The following ANKS1A variants were observed in gnomAD, a reference collection of about 807,000 sequenced individuals.
The protein encoded by ANKS1A is ankyrin repeat and sterile alpha motif domain containing 1A.
Under a neutral mutation model 120.3 loss-of-function variants are expected in ANKS1A, and 55 were observed. The observed-to-expected ratio is 0.46, with a 90% CI of 0.37 to 0.57. ANKS1A has a LOEUF of 0.57. Ranked by LOEUF, ANKS1A falls within the 20% of genes least tolerant of loss-of-function variation. ANKS1A has a pLI of 0.00. For synonymous variants in ANKS1A, 590 were observed against 604.7 expected, an observed-to-expected ratio of 0.98 and a Z score of 0.36; for missense variants, 1,123 against 1,480.3, an observed-to-expected ratio of 0.76 and a Z score of 3.96.
At chr6:34,996,750 CG>C (rs1348553618) in intron 10 of ANKS1A, among the ~76,000 whole-genome samples, 7 of 152,136 alleles carry the variant, frequency 4.6e-5, no homozygotes, top group Non-Finnish European at 7.4e-5. Context: ...GGATAACAGG[CG>C]TGAGCCACCA....
Position 34,950,536 on chromosome 6 carries a change from C to T in ANKS1A, c.198-16703C>T, listed in dbSNP as rs756325016. ...GAGCCACCGCGCCCGGCCAGGAAGA[C>T]GTTTTTCAAGACTATTACAATAAGA... On this transcript the variant is annotated intron_variant, in intron 1 of 23. Coordinates refer to ENST00000360359, the MANE Select transcript of ANKS1A (RefSeq NM_015245.3). Among the ~76,000 whole-genome samples, 13 of 151,972 alleles carry T rather than the reference C, an allele frequency of 8.6e-5. No individual in the cohort carries two copies. In the East Asian group the frequency reaches 1.7e-3, roughly 20 times the overall value.
At chr6:34,921,399 C>G (rs751987839) in intron 1 of ANKS1A, among the ~76,000 whole-genome samples, 5 of 152,126 alleles carry the variant, frequency 3.3e-5, no homozygotes, top group Non-Finnish European at 7.3e-5. Context: ...CTGTAGAAAG[C>G]CTTTAGATTA....
At chr6:35,094,950 G>C (rs571710914), downstream of ANKS1A, among the ~76,000 whole-genome samples, 5 of 152,138 alleles carry the variant, frequency 3.3e-5, no homozygotes, top group African/African-American at 1.2e-4. Flanking sequence ...GACCAGCCTG[G>C]GCAACATAGT....
intron 1 of ANKS1A, among the ~76,000 whole-genome samples, chr6:34,911,554 A>G (rs1199471465): frequency 6.6e-6 from 1 of 152,204 alleles, no homozygotes; most frequent in Non-Finnish European, 1.5e-5. Flanking sequence ...ATGTCTCCTC[A>G]TGAGGCTCAA....
rs1775910170 is a variant in ANKS1A, at chr6:35,050,352, C to T, written c.2011-3747C>T. Among the ~76,000 whole-genome samples, 1 of 152,166 alleles carries T rather than the reference C, an allele frequency of 6.6e-6. No homozygotes were observed. Among genetic ancestry groups the T allele is most frequent in the African/African-American group, 2.4e-5 (1 of 41,422 alleles). ...TTTCAGTCAGTTCACGTGAAGTGCA[C>T]TAATAAGGAAGCATGGCCATTTCTC... is the stretch of plus-strand genomic sequence containing the variant. On this transcript the variant is annotated intron_variant, in intron 11 of 23. Transcript: ENST00000360359. The surrounding 1 kb of genome is among the most constrained non-coding windows in gnomAD (Gnocchi z 4.3).
chr6:34,948,683 C>T (rs973878764), intron 1 of ANKS1A, among the ~76,000 whole-genome samples: 11 of 152,100 alleles, frequency 7.2e-5, no homozygotes, highest in African/African-American at 1.9e-4. Context: ...TAACCTCAAG[C>T]GTACCAAAAA....
intron 9 of ANKS1A, among the ~76,000 whole-genome samples, chr6:34,990,492 T>A (rs1197243267): frequency 4.0e-4 from 3 of 7,438 alleles, no homozygotes; most frequent in Non-Finnish European, 2.5e-3. Context: ...ACCCCCCTCC[T>A]TTTTTTTTTT....
intron 10 of ANKS1A, among the ~76,000 whole-genome samples, chr6:34,996,657 G>A (rs745771257): frequency 1.3e-5 from 2 of 152,126 alleles, no homozygotes; most frequent in Non-Finnish European, 2.9e-5. Context: ...ATTTTTAGTA[G>A]AGCTAGGGTT....
At chr6:34,998,477 C>T (rs559935782) in intron 10 of ANKS1A, among the ~76,000 whole-genome samples, 11 of 152,282 alleles carry the variant, frequency 7.2e-5, no homozygotes, top group East Asian at 1.9e-4. Flanking sequence ...GAACCAGACC[C>T]GAAACCAGGC....
intron 13 of ANKS1A, among the ~76,000 whole-genome samples, chr6:35,070,685 C>T (rs1372483307): frequency 2.6e-5 from 4 of 151,826 alleles, no homozygotes; most frequent in South Asian, 2.1e-4. Context: ...GGTTTTTCAC[C>T]GTGTTAGCCT....
rs993750680 is a variant in ANKS1A at position 35,060,491 on chromosome 6, G to A, written c.2184+238G>A. On this transcript the variant is annotated intron_variant, in intron 13 of 23. Coordinates refer to ENST00000360359, the MANE Select transcript of ANKS1A (RefSeq NM_015245.3). The surrounding 1 kb of genome is among the most constrained non-coding windows in gnomAD (Gnocchi z 4.5). The stretch of plus-strand genomic sequence containing the variant: ...CAGAGGGAGCTCTCTTTGCAGATCT[G>A]CTTCCCAAGAAGGAGGGTCCCTGAT... 2.0e-5 allele frequency among the ~76,000 whole-genome samples: 3 copies of A among 152,220 alleles called. No homozygotes were observed. Among genetic ancestry groups the A allele is most frequent in the Non-Finnish European group, 4.4e-5 (3 of 68,038 alleles).
chr6:34,970,553 T>C lies in ANKS1A; in HGVS notation c.435+387T>C, dbSNP rs1052896317. On this transcript the variant is annotated intron_variant, in intron 3 of 23. Transcript: ENST00000360359. ...AAGTAACATTAGCTGTCTCTGTCTG[T>C]GGGTTCCGCATGTGCAGACTTAACT... Among the ~76,000 whole-genome samples, 3 of 152,334 alleles carry C rather than the reference T, an allele frequency of 2.0e-5. No individual in the cohort carries two copies. In the East Asian group the frequency reaches 5.8e-4, roughly 29 times the overall value.
intron 1 of ANKS1A, among the ~76,000 whole-genome samples, chr6:34,942,028 T>C (rs753355592): frequency 5.3e-5 from 8 of 152,228 alleles, no homozygotes; most frequent in Admixed American, 1.3e-4. Flanking sequence ...GAAGTAACAT[T>C]GTCCTAGTTG....
At chr6:34,977,712 A>C (rs1317284428) in intron 3 of ANKS1A, among the ~76,000 whole-genome samples, 1 of 152,092 alleles carries the variant, frequency 6.6e-6, no homozygotes, top group Non-Finnish European at 1.5e-5. Flanking sequence ...CTTCTTCCAC[A>C]TGATGGACTT....
chr6:35,088,489 C>G, intron 23 of ANKS1A, 117 bp from the exon 24 acceptor site: 2 of 1,352,344 alleles, frequency 1.5e-6, no homozygotes, highest in Non-Finnish European at 2.1e-6. Flanking sequence ...TGGAGGGTGC[C>G]CCGGGGAGGC....
chr6:34,892,527 T>G (rs141941280), intron 1 of ANKS1A, among the ~76,000 whole-genome samples: 36 of 152,342 alleles, frequency 2.4e-4, no homozygotes, highest in Non-Finnish European at 4.6e-4. Context: ...ACAGTTGCAG[T>G]GGAATAATTG....
At chr6:34,967,218 T>C in intron 1 of ANKS1A, 21 bp from the exon 2 acceptor site, 1 of 1,601,820 alleles carries the variant, frequency 6.2e-7, no homozygotes, top group East Asian at 2.2e-5. Context: ...TATGTCTCTC[T>C]CTTTTTTTTT....
At chr6:35,046,725 A>T (rs530421291) in intron 11 of ANKS1A, among the ~76,000 whole-genome samples, 2 of 152,354 alleles carry the variant, frequency 1.3e-5, no homozygotes, top group South Asian at 4.1e-4. Context: ...CGTGTATATG[A>T]TTAACTAGAG....
intron 1 of ANKS1A, among the ~76,000 whole-genome samples, chr6:34,947,503 A>G (rs561138964): frequency 2.0e-5 from 3 of 152,292 alleles, no homozygotes; most frequent in African/African-American, 7.2e-5. Context: ...AATATCTATT[A>G]GACTCATTAA....
Sources: gnomAD v4.1 joint callset for allele counts (sites outside exome capture counted in the v4.1 genomes callset) on GRCh38, gnomAD v4.1.1 for gene constraint, Gnocchi (gnomAD v3.1) non-coding constraint, MANE v1.5 for transcripts, NCBI Gene and HGNC (gene_info 2026-07-23, HGNC 2026-07-21) for gene names.